Variants in TRIM2 observed in about 807,000 individuals in gnomAD.
TRIM2 encodes the protein tripartite motif containing 2.
Under a neutral mutation model 75.2 loss-of-function variants are expected in TRIM2, and 20 were observed. That is an observed-to-expected ratio of 0.27 (90% CI 0.19 to 0.39). TRIM2 has a LOEUF of 0.39. Ranked by LOEUF, TRIM2 falls within the 10% of genes least tolerant of loss-of-function variation. TRIM2 has a pLI of 1.00. For synonymous variants in TRIM2, 373 were observed against 388.3 expected, an observed-to-expected ratio of 0.96 and a Z score of 0.46; for missense variants, 660 against 990.8, an observed-to-expected ratio of 0.67 and a Z score of 4.48.
At chr4:153,289,783 A>T (rs531040775) in intron 3 of TRIM2, among the ~76,000 whole-genome samples, 1 of 152,316 alleles carries the variant, frequency 6.6e-6, no homozygotes, top group South Asian at 2.1e-4. Context: ...TCCAGTGAAG[A>T]TGTGGGAACT....
intron 1 of TRIM2, among the ~76,000 whole-genome samples, chr4:153,243,340 CTT>C (rs1171176115): frequency 6.6e-6 from 1 of 152,334 alleles, no homozygotes; most frequent in Middle Eastern, 3.4e-3. Context: ...AGGGGTGACT[CTT>C]TTCGTTGAGA....
chr4:153,165,223 T>A (rs1730178934), intron 1 of TRIM2, among the ~76,000 whole-genome samples: 2 of 152,250 alleles, frequency 1.3e-5, no homozygotes, highest in African/African-American at 4.8e-5. Flanking sequence ...GAACCCCATA[T>A]CTTTTCCTTG....
At chr4:153,249,323 A>T (rs1750196662) in intron 1 of TRIM2, among the ~76,000 whole-genome samples, 1 of 151,692 alleles carries the variant, frequency 6.6e-6, no homozygotes, top group South Asian at 2.1e-4. Flanking sequence ...GTTGCTATGG[A>T]GCCCGGGCCC....
intron 8 of TRIM2, among the ~76,000 whole-genome samples, chr4:153,317,676 A>G (rs1033876690): frequency 2.0e-5 from 3 of 150,842 alleles, no homozygotes; most frequent in South Asian, 2.1e-4. Flanking sequence ...AAAAAGATCT[A>G]TCTTGCCTGG....
chr4:153,244,328 T>C lies in TRIM2; in HGVS notation c.31-26007T>C, dbSNP rs1311492029. ...CCTCCTCCTCCTCCTCCTCTTCTTC[T>C]TCTTCTTCTTCTTCTTCTTCTTCTT... On this transcript the variant is annotated intron_variant, in intron 1 of 11. Transcript: ENST00000338700. 1.3e-3 allele frequency among the ~76,000 whole-genome samples: 29 copies of C among 22,542 alleles called. 1 individual carries two copies. Among genetic ancestry groups the C allele is most frequent in the South Asian group, 5.7e-3 (2 of 350 alleles). The allele number at this position is 22,542 out of a possible 152,430, so 14.8% of individuals were successfully genotyped here. A position where few individuals can be genotyped will look rare whatever the true frequency, so the allele number is the denominator to read the frequency against.
intron 4 of TRIM2, 87 bp from the exon 5 acceptor site, chr4:153,294,218 T>C: frequency 1.4e-6 from 2 of 1,401,110 alleles, no homozygotes; most frequent in Non-Finnish European, 1.9e-6. Flanking sequence ...GGCATAGAAT[T>C]TTTTTAAACA....
At chr4:153,222,381 T>C (rs143909148) in intron 1 of TRIM2, 56 of 152,090 alleles carry the variant, frequency 3.7e-4, no homozygotes, top group African/African-American at 1.3e-3. Flanking sequence ...AGAGGATGCG[T>C]TTTCAGGAGA....
chr4:153,310,714 C>A (rs1213096621), intron 6 of TRIM2, among the ~76,000 whole-genome samples: 1 of 152,178 alleles, frequency 6.6e-6, no homozygotes, highest in Admixed American at 6.5e-5. Flanking sequence ...TACCAGGAAT[C>A]CCAACCAGCC....
intron 1 of TRIM2, among the ~76,000 whole-genome samples, chr4:153,167,735 A>C (rs900008101): frequency 6.6e-6 from 1 of 152,190 alleles, no homozygotes; most frequent in Non-Finnish European, 1.5e-5. Flanking sequence ...GAGAAAAACA[A>C]TTGCCTGGAG....
chr4:153,243,893 G>C (rs1747389732), intron 1 of TRIM2, among the ~76,000 whole-genome samples: 2 of 139,780 alleles, frequency 1.4e-5, no homozygotes, highest in Non-Finnish European at 3.0e-5. Context: ...ATCACTGCTT[G>C]CTGCAGCCTC....
rs373554949 is a variant in TRIM2 at position 153,336,702 on chromosome 4, A to C, written c.*1736A>C. The C allele has an allele frequency of 9.1e-6, 9 of 984,906 alleles. No individual in the cohort carries two copies. The highest frequency in any genetic ancestry group is 2.3e-4 in the East Asian group (2 of 8,824). 61.0% of individuals were successfully genotyped at this position (984,906 alleles called of 1,614,324 possible). A position where few individuals can be genotyped will look rare whatever the true frequency, so the allele number is the denominator to read the frequency against. On this transcript the variant is annotated 3_prime_UTR_variant, in exon 12 of 12. Coordinates refer to ENST00000338700, the MANE Select transcript of TRIM2 (RefSeq NM_015271.5). ...TTGCTTATTAATTTATAATTCAGTCATTCTCTATATAGGACTTCTTAAAAT... is the reference window on the plus strand; with the variant it reads ...TTGCTTATTAATTTATAATTCAGTCCTTCTCTATATAGGACTTCTTAAAAT...
intron 1 of TRIM2, among the ~76,000 whole-genome samples, chr4:153,155,436 A>C (rs565605881): frequency 6.6e-6 from 1 of 152,302 alleles, no homozygotes; most frequent in East Asian, 1.9e-4. Context: ...AGGGGTTCAG[A>C]ATGGGGAAAT....
chr4:153,306,410 C>A (rs893554829), intron 6 of TRIM2, among the ~76,000 whole-genome samples: 2 of 152,178 alleles, frequency 1.3e-5, no homozygotes, highest in African/African-American at 4.8e-5. Context: ...AGATATGTGT[C>A]AGTTTTGATC....
intron 6 of TRIM2, among the ~76,000 whole-genome samples, chr4:153,306,911 A>C (rs1436512542): frequency 6.6e-6 from 1 of 152,232 alleles, no homozygotes; most frequent in Non-Finnish European, 1.5e-5. Flanking sequence ...TGTTGAAGAA[A>C]TGGAAGCTTA....
intron 1 of TRIM2, among the ~76,000 whole-genome samples, chr4:153,210,185 C>T (rs1048805487): frequency 2.0e-5 from 3 of 151,610 alleles, no homozygotes; most frequent in Non-Finnish European, 2.9e-5. Flanking sequence ...CTGCCTCAGC[C>T]TCCCAAGTAG....
rs201812080 is a variant in TRIM2 at position 153,278,128 on chromosome 4, CAG to C, written c.453+2001_453+2002del. On this transcript the variant is annotated intron_variant, in intron 3 of 11. Transcript: ENST00000338700. The stretch of plus-strand genomic sequence containing the variant: ...TTAGTTTTTGTTTTTGTTTCTGAGA[CAG>C]AGTCTCAATCTGTCATCCAGGCTGG... Among the ~76,000 whole-genome samples, 1,431 of 152,190 alleles carry C rather than the reference CAG, an allele frequency of 9.4e-3. 19 individuals are homozygous for C. The highest frequency in any genetic ancestry group is 0.03 in the African/African-American group (1,264 of 41,524).
chr4:153,273,270 C>CATTTT (rs1757187818), intron 2 of TRIM2, among the ~76,000 whole-genome samples: 7 of 57,388 alleles, frequency 1.2e-4, no homozygotes, highest in African/African-American at 4.9e-4. Context: ...TACAGTCACT[C>CATTTT]TTTTTTTTTT....
At chr4:153,259,554 G>C (rs900983817) in intron 1 of TRIM2, among the ~76,000 whole-genome samples, 1 of 152,140 alleles carries the variant, frequency 6.6e-6, no homozygotes, top group African/African-American at 2.4e-5. Context: ...AAAATGTGCT[G>C]CCAAATTATT....
At chr4:153,169,246 G>A (rs2149608871) in intron 1 of TRIM2, among the ~76,000 whole-genome samples, 1 of 152,324 alleles carries the variant, frequency 6.6e-6, no homozygotes, top group East Asian at 1.9e-4. Flanking sequence ...TGGAGAGGCT[G>A]TTACTTACGA....
Sources: gnomAD v4.1 joint callset for allele counts (sites outside exome capture counted in the v4.1 genomes callset) on GRCh38, gnomAD v4.1.1 for gene constraint, MANE v1.5 for transcripts, NCBI Gene and HGNC (gene_info 2026-07-23, HGNC 2026-07-21) for gene names.